Variants in LDB2 observed in about 807,000 individuals in gnomAD.
LDB2 encodes LIM domain binding 2.
LDB2 carries 12 observed loss-of-function variants against 44.3 expected under a neutral mutation model. That is an observed-to-expected ratio of 0.27 (90% CI 0.17 to 0.44). The LOEUF is 0.44. LDB2 is among the 20% of genes least tolerant of loss of function. LDB2 has a pLI of 1.00. For synonymous variants in LDB2, 164 were observed against 174.8 expected, an observed-to-expected ratio of 0.94 and a Z score of 0.49; for missense variants, 344 against 473.5, an observed-to-expected ratio of 0.73 and a Z score of 2.54.
At chr4:16,887,514 C>G (rs190679750) in intron 1 of LDB2, among the ~76,000 whole-genome samples, 3 of 151,652 alleles carry the variant, frequency 2.0e-5, no homozygotes, top group Non-Finnish European at 4.4e-5. Flanking sequence ...TCATGTTAAA[C>G]TTGTAAGGTC....
At chr4:16,644,764 G>A (rs543206090) in intron 2 of LDB2, among the ~76,000 whole-genome samples, 31 of 152,032 alleles carry the variant, frequency 2.0e-4, no homozygotes, top group African/African-American at 7.5e-4. Flanking sequence ...TTTCTGATAA[G>A]GTTTCTCTTT....
chr4:16,512,864 CAA>C (rs1214555911), intron 5 of LDB2, among the ~76,000 whole-genome samples: 4 of 152,102 alleles, frequency 2.6e-5, no homozygotes, highest in Admixed American at 2.6e-4. Flanking sequence ...ATGAGGAAAA[CAA>C]GAAGATAAAA....
At chr4:16,706,720 G>T (rs2152648428) in intron 2 of LDB2, among the ~76,000 whole-genome samples, 1 of 152,312 alleles carries the variant, frequency 6.6e-6, no homozygotes, top group Middle Eastern at 3.4e-3. Flanking sequence ...AAACGTAGAA[G>T]AAATCTGGGG....
chr4:16,833,333 T>A (rs1006960253), intron 1 of LDB2, among the ~76,000 whole-genome samples: 3 of 152,218 alleles, frequency 2.0e-5, no homozygotes, highest in African/African-American at 7.2e-5. Flanking sequence ...TTATTTTCAA[T>A]AGACATTTCT....
At chr4:16,657,199 T>C (rs942340753) in intron 2 of LDB2, among the ~76,000 whole-genome samples, 3 of 152,224 alleles carry the variant, frequency 2.0e-5, no homozygotes, top group African/African-American at 7.2e-5. Context: ...AGGCTGTTAC[T>C]GGGAAATGTG....
intron 7 of LDB2, chr4:16,505,758 T>A: frequency 7.1e-7 from 1 of 1,405,536 alleles, no homozygotes; most frequent in Non-Finnish European, 9.5e-7. Flanking sequence ...CAACTTCTGC[T>A]CCTTGCTGGA....
At chr4:16,794,371 C>T (rs958713979) in intron 1 of LDB2, among the ~76,000 whole-genome samples, 1 of 152,202 alleles carries the variant, frequency 6.6e-6, no homozygotes, top group African/African-American at 2.4e-5. Context: ...AAGATGACTG[C>T]AGCTCCTCCT....
chr4:16,519,640 A>G (rs1193248241), intron 5 of LDB2, among the ~76,000 whole-genome samples: 1 of 149,296 alleles, frequency 6.7e-6, no homozygotes, highest in African/African-American at 2.5e-5. Flanking sequence ...GTGATGCAGA[A>G]GGGTGTAGGT....
At chr4:16,695,355 A>T (rs1403777014) in intron 2 of LDB2, among the ~76,000 whole-genome samples, 1 of 151,866 alleles carries the variant, frequency 6.6e-6, no homozygotes, top group Non-Finnish European at 1.5e-5. Flanking sequence ...ACATGGTGAA[A>T]CCCTGTCTCT....
chr4:16,588,623 A>C, intron 4 of LDB2, 87 bp downstream of exon 4: 1 of 1,382,860 alleles, frequency 7.2e-7, no homozygotes, highest in East Asian at 2.3e-5. Flanking sequence ...GAATTCTTTC[A>C]CAGAGAGAGG....
chr4:16,582,043 AAGG>A lies in LDB2; in HGVS notation c.615+3876_615+3878del. Among the ~76,000 whole-genome samples the A allele has an allele frequency of 6.9e-6, 1 of 143,970 alleles. No homozygotes were observed. Among genetic ancestry groups the A allele is most frequent in the South Asian group, 2.3e-4 (1 of 4,422 alleles). 94.4% of individuals were successfully genotyped at this position (143,970 alleles called of 152,430 possible). On this transcript the variant is annotated intron_variant, in intron 5 of 7. Coordinates refer to ENST00000304523, the MANE Select transcript of LDB2 (RefSeq NM_001290.5). The surrounding 1 kb of genome is among the most constrained non-coding windows in gnomAD (Gnocchi z 4.8). ...GAAGGAAGGAAGGAAGGAAGGAAGG[AAGG>A]AAGGAAAAGAAAGTAAGTCCCTGCA...
chr4:16,731,384 G>A (rs141781534), intron 2 of LDB2, among the ~76,000 whole-genome samples: 1 of 152,272 alleles, frequency 6.6e-6, no homozygotes, highest in Non-Finnish European at 1.5e-5. Context: ...TGATGTGATG[G>A]TATTTGGAAA....
At chr4:16,849,240 T>C (rs927677575) in intron 1 of LDB2, among the ~76,000 whole-genome samples, 1 of 152,216 alleles carries the variant, frequency 6.6e-6, no homozygotes, top group Non-Finnish European at 1.5e-5. Flanking sequence ...AATGTCTTTG[T>C]TTAAATATCA....
intron 2 of LDB2, among the ~76,000 whole-genome samples, chr4:16,738,292 C>A (rs766120524): frequency 1.3e-5 from 2 of 152,160 alleles, no homozygotes; most frequent in Non-Finnish European, 2.9e-5. Context: ...CCCACCTCCC[C>A]AACACCAAAA....
At chr4:16,562,247 C>G (rs1221435468) in intron 5 of LDB2, among the ~76,000 whole-genome samples, 1 of 152,146 alleles carries the variant, frequency 6.6e-6, no homozygotes, top group Non-Finnish European at 1.5e-5. Flanking sequence ...AGGGCTTCTG[C>G]ACAGCAAAAG....
intron 2 of LDB2, among the ~76,000 whole-genome samples, chr4:16,700,458 C>G (rs1484660511): frequency 1.3e-5 from 2 of 152,318 alleles, no homozygotes; most frequent in East Asian, 1.9e-4. Flanking sequence ...CCCAGCCCCC[C>G]ATTTCACTTA....
At chr4:16,743,302 T>G (rs777143031) in intron 2 of LDB2, among the ~76,000 whole-genome samples, 1 of 151,914 alleles carries the variant, frequency 6.6e-6, no homozygotes, top group Non-Finnish European at 1.5e-5. Flanking sequence ...AAAATATGCT[T>G]GTCAGGATGT....
At chr4:16,519,423 A>G (rs1399314545) in intron 5 of LDB2, among the ~76,000 whole-genome samples, 2 of 151,402 alleles carry the variant, frequency 1.3e-5, no homozygotes, top group African/African-American at 2.4e-5. Flanking sequence ...TCTGACTTCA[A>G]CCCTGTACTA....
At chr4:16,868,132 C>T (rs1211386068) in intron 1 of LDB2, among the ~76,000 whole-genome samples, 1 of 152,062 alleles carries the variant, frequency 6.6e-6, no homozygotes, top group Non-Finnish European at 1.5e-5. Flanking sequence ...ATTATCTATT[C>T]TAGTTTTATC....
Sources: gnomAD v4.1 joint callset for allele counts (sites outside exome capture counted in the v4.1 genomes callset) on GRCh38, gnomAD v4.1.1 for gene constraint, Gnocchi (gnomAD v3.1) non-coding constraint, MANE v1.5 for transcripts, NCBI Gene and HGNC (gene_info 2026-07-23, HGNC 2026-07-21) for gene names.